ADGRL3: variants seen among roughly 807,000 people sequenced by gnomAD.
The protein encoded by ADGRL3 is calcium-independent alpha-latrotoxin receptor 3.
Under a neutral mutation model 153.5 loss-of-function variants are expected in ADGRL3, and 62 were observed. The ratio of observed to expected loss-of-function variants is 0.40; its 90% confidence interval spans 0.33 to 0.50. The LOEUF is 0.50. ADGRL3 is among the 20% of genes least tolerant of loss of function. The pLI, the probability that ADGRL3 is intolerant of heterozygous loss-of-function variation, is 0.47. For missense variants in ADGRL3, 1,641 were observed against 1,859.4 expected, an observed-to-expected ratio of 0.88 and a Z score of 2.16; for synonymous variants, 710 against 672.5, an observed-to-expected ratio of 1.06 and a Z score of -0.86.
At chr4:61,573,652 G>A (rs2098848208) in intron 4 of ADGRL3, among the ~76,000 whole-genome samples, 1 of 151,866 alleles carries the variant, frequency 6.6e-6, no homozygotes, top group Non-Finnish European at 1.5e-5. Context: ...TTGTCAACTA[G>A]AATATCTTCT....
At chr4:61,263,456 A>G (rs1017507064) in intron 1 of ADGRL3, among the ~76,000 whole-genome samples, 5 of 139,864 alleles carry the variant, frequency 3.6e-5, no homozygotes, top group South Asian at 2.6e-4. Context: ...CATAGAGTGC[A>G]TTTGAAAAAA....
intron 9 of ADGRL3, among the ~76,000 whole-genome samples, chr4:61,838,782 T>G (rs2097977462): frequency 6.6e-6 from 1 of 152,172 alleles, no homozygotes; most frequent in South Asian, 2.1e-4. Context: ...TCAATTTCTT[T>G]TCTTTGTTAT....
In ADGRL3 at chr4:61,694,736, A is replaced by G. The variant is rs144116391; in HGVS notation, c.583+17801A>G. 2.1e-3 allele frequency among the ~76,000 whole-genome samples: 316 copies of G among 152,310 alleles called. 5 individuals carry two copies. Among genetic ancestry groups the G allele is most frequent in the African/African-American group, 7.2e-3 (301 of 41,588 alleles). On this transcript the variant is annotated intron_variant, in intron 6 of 26. Transcript: ENST00000683033. Reference sequence around the variant, plus strand: ...TCCCTTTCACAAAAGATTTATTTGTAGCATGCAAGGCTGTTTGATAGCATT... The same window carrying G: ...TCCCTTTCACAAAAGATTTATTTGTGGCATGCAAGGCTGTTTGATAGCATT...
chr4:61,645,931 C>A (rs2093957105), intron 5 of ADGRL3, among the ~76,000 whole-genome samples: 1 of 152,204 alleles, frequency 6.6e-6, no homozygotes, highest in Non-Finnish European at 1.5e-5. Context: ...ACCAATCAGA[C>A]ATGGATTTGG....
intron 4 of ADGRL3, among the ~76,000 whole-genome samples, chr4:61,523,785 G>C (rs1464034417): frequency 6.6e-6 from 1 of 151,976 alleles, no homozygotes; most frequent in Admixed American, 6.6e-5. Flanking sequence ...AATAGTATAA[G>C]CTCAGTCTTT....
chr4:61,870,002 G>A (rs1310176211), intron 9 of ADGRL3, among the ~76,000 whole-genome samples: 1 of 132,984 alleles, frequency 7.5e-6, no homozygotes, highest in Non-Finnish European at 1.6e-5. Flanking sequence ...GAGAGAGAGA[G>A]AGAGAGAGAA....
chr4:62,012,344 T>G (rs146636439), intron 21 of ADGRL3, among the ~76,000 whole-genome samples: 1 of 152,212 alleles, frequency 6.6e-6, no homozygotes, highest in Non-Finnish European at 1.5e-5. Flanking sequence ...TTGTGTCTAT[T>G]TGGAAAATGT....
rs2098721172 is a variant in ADGRL3, at chr4:61,911,408, C to G, written c.2074-1311C>G. On this transcript the variant is annotated intron_variant, in intron 12 of 26. Transcript: ENST00000683033. ...CTTTTCTTTTGTTACCCATTTGGCTCTTTTCAGTTGTTTATATAATGTGGT... is the reference window on the plus strand; with the variant it reads ...CTTTTCTTTTGTTACCCATTTGGCTGTTTTCAGTTGTTTATATAATGTGGT... 2.0e-5 allele frequency among the ~76,000 whole-genome samples: 3 copies of G among 152,014 alleles called. No individual in the cohort carries two copies. The South Asian group carries it at 6.2e-4, about 32-fold the overall frequency.
intron 1 of ADGRL3, among the ~76,000 whole-genome samples, chr4:61,317,984 T>A (rs2095262218): frequency 6.6e-6 from 1 of 151,928 alleles, no homozygotes. Context: ...AAAACCAGAC[T>A]GGCCAACATG....
At chr4:61,539,684 G>T (rs891993592) in intron 4 of ADGRL3, among the ~76,000 whole-genome samples, 14 of 152,134 alleles carry the variant, frequency 9.2e-5, no homozygotes, top group African/African-American at 3.4e-4. Context: ...GCTACTTGGT[G>T]CTCTGTCTCT....
At chr4:62,063,464 C>CTTTTTTTTTT (rs752814590) in intron 25 of ADGRL3, 1 of 521,726 alleles carries the variant, frequency 1.9e-6, no homozygotes, top group Non-Finnish European at 3.4e-6. Flanking sequence ...CCTGATTGAC[C>CTTTTTTTTTT]TTTTTTTTTT....
intron 21 of ADGRL3, among the ~76,000 whole-genome samples, chr4:62,021,554 A>G (rs893362927): frequency 1.5e-4 from 23 of 152,070 alleles, no homozygotes; most frequent in Non-Finnish European, 2.9e-5. Flanking sequence ...TTGTATTAAT[A>G]CTTCCCAGAC....
chr4:61,400,971 C>CTTTTCCA, intron 2 of ADGRL3, among the ~76,000 whole-genome samples: 1 of 151,484 alleles, frequency 6.6e-6, no homozygotes, highest in South Asian at 2.1e-4. Flanking sequence ...TTTATAGCAC[C>CTTTTCCA]TTTTCCATTT....
At position 61,871,406 on chromosome 4, in the gene ADGRL3, G is replaced by A. The variant is rs142319407; in HGVS notation, c.1481-21250G>A. Among the ~76,000 whole-genome samples the A allele has an allele frequency of 1.4e-3, 207 of 152,236 alleles. 2 individuals carry two copies. Among genetic ancestry groups the A allele is most frequent in the African/African-American group, 4.6e-3 (189 of 41,508 alleles). ...ATTATTGTGTAATCAAAAGGAATGA[G>A]GTACTGATTCATGGAATCTCATTGT... On this transcript the variant is annotated intron_variant, in intron 9 of 26. Transcript: ENST00000683033.
chr4:61,633,016 A>T (rs888170768), intron 5 of ADGRL3, among the ~76,000 whole-genome samples: 1 of 152,192 alleles, frequency 6.6e-6, no homozygotes, highest in Non-Finnish European at 1.5e-5. Flanking sequence ...ACCTTCATGT[A>T]TTACTTTATT....
chr4:61,868,958 T>A (rs1301553680), intron 9 of ADGRL3, among the ~76,000 whole-genome samples: 1 of 151,930 alleles, frequency 6.6e-6, no homozygotes, highest in African/African-American at 2.4e-5. Flanking sequence ...TGAGACAGGG[T>A]CTCTATATGC....
intron 6 of ADGRL3, among the ~76,000 whole-genome samples, chr4:61,727,061 C>T (rs745467315): frequency 6.6e-6 from 1 of 152,016 alleles, no homozygotes; most frequent in Non-Finnish European, 1.5e-5. Context: ...TGATCCATAC[C>T]TTTTCTAATT....
intron 1 of ADGRL3, among the ~76,000 whole-genome samples, chr4:61,312,216 T>A (rs950878555): frequency 4.6e-5 from 7 of 152,112 alleles, no homozygotes; most frequent in African/African-American, 1.7e-4. Context: ...GATATCCACA[T>A]GAAAAACATA....
In ADGRL3 at chr4:61,263,049, G is replaced by C. The variant is rs1002771425; in HGVS notation, c.-240+61284G>C. 2.6e-5 allele frequency among the ~76,000 whole-genome samples: 4 copies of C among 152,090 alleles called. No individual in the cohort carries two copies. The East Asian group carries it at 7.7e-4, about 29-fold the overall frequency. Reference sequence around the variant, plus strand: ...AGACAAACATGAAAATTTCATATTTGTGATTTCTGAAAATTGTTGAATGCA... The same window carrying C: ...AGACAAACATGAAAATTTCATATTTCTGATTTCTGAAAATTGTTGAATGCA... On this transcript the variant is annotated intron_variant, in intron 1 of 26. Transcript: ENST00000683033.
Sources: allele counts gnomAD v4.1 joint callset (sites outside exome capture counted in the v4.1 genomes callset), GRCh38; gene constraint gnomAD v4.1.1; transcripts MANE v1.5; gene names NCBI Gene and HGNC (gene_info 2026-07-23, HGNC 2026-07-21).